Variants in TENM1 observed in about 807,000 individuals in gnomAD.
TENM1 encodes teneurin-1.
In TENM1, 35 loss-of-function variants were observed where a neutral mutation model predicts 174.8. The observed-to-expected ratio is 0.20, with a 90% CI of 0.15 to 0.27. The LOEUF is 0.27. Ranked by LOEUF, TENM1 falls within the 10% of genes least tolerant of loss-of-function variation. The pLI is 1.00. For missense variants in TENM1, 1,633 were observed against 2,130.1 expected, an observed-to-expected ratio of 0.77 and a Z score of 4.59; for synonymous variants, 781 against 798.7, an observed-to-expected ratio of 0.98 and a Z score of 0.37.
rs994322412 is a variant in TENM1, at chrX:124,644,573, A to T, written c.1876+570T>A. Among the ~76,000 whole-genome samples the T allele has an allele frequency of 2.7e-5, 3 of 109,947 alleles. No homozygotes were observed. In the East Asian group the frequency reaches 8.5e-4, roughly 31 times the overall value. On this transcript the variant is annotated intron_variant, in intron 10 of 31. Transcript: ENST00000422452. ...ATTTCAAAATTTTGGGGGGATAAAG[A>T]CTCCTTTGGGGTGAATTTAATATAA...
At chrX:125,201,092 G>A in the TENM1 span, among the ~76,000 whole-genome samples, 145 of 112,257 alleles carry the variant, frequency 1.3e-3, no homozygotes, top group African/African-American at 4.5e-3. Flanking sequence ...TATCAGGAAT[G>A]TTTTGCAGTT....
At chrX:124,470,791 G>A (rs954628477) in intron 22 of TENM1, among the ~76,000 whole-genome samples, 1 of 110,072 alleles carries the variant, frequency 9.1e-6, no homozygotes, top group African/African-American at 3.3e-5. Flanking sequence ...TCAACCATCA[G>A]TACTATGACA....
At chrX:124,791,120 A>G (rs2055170260) in intron 3 of TENM1, among the ~76,000 whole-genome samples, 1 of 112,420 alleles carries the variant, frequency 8.9e-6, no homozygotes, top group Non-Finnish European at 1.9e-5. Flanking sequence ...ATTAACAGAT[A>G]CAGAAAGAAT....
At chrX:125,016,389 A>G in the TENM1 span, among the ~76,000 whole-genome samples, 2 of 111,555 alleles carry the variant, frequency 1.8e-5, no homozygotes, top group Non-Finnish European at 3.8e-5. Context: ...ATCAATGTGC[A>G]AAAATCACAA....
intron 17 of TENM1, 24 bp from the exon 21 acceptor site, chrX:124,520,808 A>G: frequency 9.9e-7 from 1 of 1,010,214 alleles, no homozygotes; most frequent in Non-Finnish European, 1.3e-6. Flanking sequence ...AAAAAAAAAA[A>G]GCCAAATAGG....
intron 25 of TENM1, among the ~76,000 whole-genome samples, chrX:124,417,359 C>T (rs1176485165): frequency 1.8e-5 from 2 of 110,829 alleles, no homozygotes; most frequent in African/African-American, 6.6e-5. Flanking sequence ...TACAGGTACC[C>T]GCCACCACAC....
intron 5 of TENM1, among the ~76,000 whole-genome samples, chrX:124,691,427 C>G (rs1262182898): frequency 5.4e-5 from 6 of 111,925 alleles, no homozygotes; most frequent in Non-Finnish European, 1.1e-4. Context: ...CAAAAGAAAA[C>G]TACACTAAGA....
chrX:124,965,611 C>T (rs2058716772), upstream of TENM1, among the ~76,000 whole-genome samples: 2 of 111,418 alleles, frequency 1.8e-5, no homozygotes, highest in Non-Finnish European at 1.9e-5. Flanking sequence ...AACCTACAAA[C>T]TGTGTATGGA....
intron 3 of TENM1, among the ~76,000 whole-genome samples, chrX:124,757,724 A>T (rs1303529829): frequency 8.9e-6 from 1 of 112,527 alleles, no homozygotes; most frequent in African/African-American, 3.2e-5. Flanking sequence ...CTAGTCTTAA[A>T]ATTCGAGGGA....
chrX:124,599,391 T>C (rs1003803876), intron 11 of TENM1, among the ~76,000 whole-genome samples: 1 of 111,089 alleles, frequency 9.0e-6, no homozygotes, highest in Non-Finnish European at 1.9e-5. Context: ...GATGGATCTA[T>C]GGGTCTGGAA....
the TENM1 span, among the ~76,000 whole-genome samples, chrX:125,186,476 A>G: frequency 9.0e-6 from 1 of 110,623 alleles, no homozygotes; most frequent in East Asian, 2.9e-4. Flanking sequence ...GGGGCCTGGT[A>G]CGAGGTGTTT....
At chrX:124,384,955 C>A (rs2060201764) in intron 29 of TENM1, 101 bp from the exon 33 acceptor site, 2 of 750,093 alleles carry the variant, frequency 2.7e-6, no homozygotes, top group Non-Finnish European at 3.7e-6. Context: ...CTTTTATATT[C>A]ATAATACAAT....
chrX:124,546,809 T>C, intron 15 of TENM1, 65 bp downstream of exon 18: 1 of 898,470 alleles, frequency 1.1e-6, no homozygotes, highest in East Asian at 3.1e-5. Context: ...GAAGATATCT[T>C]CCTTTCGTAG....
the TENM1 span, among the ~76,000 whole-genome samples, chrX:125,101,963 G>A: frequency 1.8e-5 from 2 of 111,877 alleles, no homozygotes; most frequent in African/African-American, 6.5e-5. Context: ...AACTTACAAT[G>A]TTGTAGGTAA....
chrX:124,857,163 T>G (rs1195642594), intron 3 of TENM1, among the ~76,000 whole-genome samples: 1 of 111,424 alleles, frequency 9.0e-6, no homozygotes, highest in Non-Finnish European at 1.9e-5. Flanking sequence ...ATGATCAGAT[T>G]ATTTTCATCT....
chrX:124,904,062 T>C (rs1303489534), intron 1 of TENM1, among the ~76,000 whole-genome samples: 1 of 107,021 alleles, frequency 9.3e-6, no homozygotes, highest in Admixed American at 9.8e-5. Context: ...TGGGTGCGTG[T>C]GTGTGTGCGT....
rs751106368 is a variant in TENM1 at position 124,580,780 on chromosome X, T to C, written c.2078-15220A>G. Among the ~76,000 whole-genome samples, 273 of 110,948 alleles carry C rather than the reference T, an allele frequency of 2.5e-3. 1 individual carries two copies. The highest frequency in any genetic ancestry group is 8.7e-3 in the African/African-American group (265 of 30,538). Reference sequence around the variant, plus strand: ...TACACATGCAGGTTTGTTACCTAAGTACATTGCATAATGCCGAGGTTTGGG... The same window carrying C: ...TACACATGCAGGTTTGTTACCTAAGCACATTGCATAATGCCGAGGTTTGGG... On this transcript the variant is annotated intron_variant, in intron 11 of 31. Coordinates refer to ENST00000422452, the Ensembl canonical transcript of TENM1.
At chrX:124,496,236 C>T (rs2047198848) in intron 20 of TENM1, among the ~76,000 whole-genome samples, 1 of 111,603 alleles carries the variant, frequency 9.0e-6, no homozygotes, top group African/African-American at 3.3e-5. Context: ...GGATTAAAGA[C>T]TTAAACGTTA....
At chrX:124,793,623 G>T (rs1204845507) in intron 3 of TENM1, among the ~76,000 whole-genome samples, 1 of 111,575 alleles carries the variant, frequency 9.0e-6, no homozygotes, top group African/African-American at 3.3e-5. Flanking sequence ...AAATGCCTTG[G>T]TGAATTTAGA....
Sources: gnomAD v4.1 joint callset for allele counts (sites outside exome capture counted in the v4.1 genomes callset) on GRCh38, gnomAD v4.1.1 for gene constraint, MANE v1.5 for transcripts, NCBI Gene and HGNC (gene_info 2026-07-23, HGNC 2026-07-21) for gene names.